PCDHGA9: variants seen among roughly 807,000 people sequenced by gnomAD.
PCDHGA9 encodes protocadherin gamma-A9.
PCDHGA9 carries 37 observed loss-of-function variants against 62.5 expected under a neutral mutation model. The ratio of observed to expected loss-of-function variants is 0.59; its 90% CI spans 0.46 to 0.78. The LOEUF is 0.78. Ranked by LOEUF, PCDHGA9 falls within the 30% of genes least tolerant of loss-of-function variation. PCDHGA9 has a pLI of 0.00. For synonymous variants in PCDHGA9, 459 were observed against 484.6 expected (o/e 0.95, Z 0.69); for missense variants, 1,138 against 1,166.2 (o/e 0.98, Z 0.35).
At chr5:141,502,274 A>G (rs573517581) in intron 2 of PCDHGA9, among the ~76,000 whole-genome samples, 18 of 152,128 alleles carry the variant, frequency 1.2e-4, no homozygotes, top group African/African-American at 4.1e-4. Context: ...ATCAAGGAGC[A>G]TAGATTGCAT....
chr5:141,414,778 C>T (rs1346896593), intron 1 of PCDHGA9: 12 of 1,614,202 alleles, frequency 7.4e-6, no homozygotes, highest in Non-Finnish European at 1.0e-5. Context: ...GCTACAGATG[C>T]AGGTGACAGC....
intron 1 of PCDHGA9, chr5:141,410,087 G>C (rs1427716409): frequency 6.2e-7 from 1 of 1,612,364 alleles, no homozygotes; most frequent in Admixed American, 1.7e-5. Context: ...GGTGCGCACG[G>C]CTCGAGCCTT....
At chr5:141,423,102 C>T (rs778561065) in intron 1 of PCDHGA9, 7 of 1,613,920 alleles carry the variant, frequency 4.3e-6, no homozygotes, top group Non-Finnish European at 4.2e-6. Context: ...AGCACACGGG[C>T]GAGGTGCGTA....
chr5:141,472,337 C>T (rs1327386198), intron 1 of PCDHGA9, among the ~76,000 whole-genome samples: 1 of 151,764 alleles, frequency 6.6e-6, no homozygotes, highest in Non-Finnish European at 1.5e-5. Context: ...GTTGGGAGAT[C>T]GAGACCATCC....
intron 1 of PCDHGA9, among the ~76,000 whole-genome samples, chr5:141,452,542 C>T (rs2098743637): frequency 6.6e-6 from 1 of 152,180 alleles, no homozygotes; most frequent in Admixed American, 6.6e-5. Flanking sequence ...CATATTGATA[C>T]CTCCAGTTCT....
At chr5:141,508,440 T>C (rs2099868879) in intron 3 of PCDHGA9, among the ~76,000 whole-genome samples, 1 of 152,186 alleles carries the variant, frequency 6.6e-6, no homozygotes, top group African/African-American at 2.4e-5. Context: ...CACAGTTCCT[T>C]AGTGGCAGAG....
In PCDHGA9 at chr5:141,403,509, A is replaced by G; in HGVS notation, c.557A>G (p.Asp186Gly). 1 of 1,614,002 alleles carries G rather than the reference A, an allele frequency of 6.2e-7. No individual in the cohort carries two copies. Among genetic ancestry groups the G allele is most frequent in the Non-Finnish European group, 8.5e-7 (1 of 1,179,876 alleles). Residue 186 changes from aspartate (D) to glycine (G), a missense_variant, in exon 1 of 4, where the codon GAC becomes GGC. By Grantham distance (94) the Asp-to-Gly change is moderately conservative. Coordinates refer to ENST00000573521, the MANE Select transcript of PCDHGA9 (RefSeq NM_018921.3). ...TTCTCCCTGAACGTGCAGACTGGAG[A>G]CAATGGAGCCATAAACCCAGAGCTG... The part of the protein sequence containing the change: ...HHFSLNVQTG[D>G]NGAINPELVL...
At chr5:141,435,413 A>G (rs1422263053) in intron 1 of PCDHGA9, among the ~76,000 whole-genome samples, 1 of 152,122 alleles carries the variant, frequency 6.6e-6, no homozygotes, top group Admixed American at 6.5e-5. Flanking sequence ...GGTAAAGACT[A>G]TTTTTCACTT....
intron 1 of PCDHGA9, among the ~76,000 whole-genome samples, chr5:141,482,385 A>T (rs1238551737): frequency 6.6e-6 from 1 of 152,210 alleles, no homozygotes; most frequent in Non-Finnish European, 1.5e-5. Context: ...AAGTCCCTGT[A>T]TGGAGCAAGT....
chr5:141,435,629 A>G (rs2097772414), intron 1 of PCDHGA9, among the ~76,000 whole-genome samples: 1 of 152,162 alleles, frequency 6.6e-6, no homozygotes, highest in Admixed American at 6.5e-5. Flanking sequence ...TAACTTTTAC[A>G]ACTATGGGAA....
chr5:141,430,754 A>G (rs778266116), intron 1 of PCDHGA9: 26 of 1,503,884 alleles, frequency 1.7e-5, no homozygotes, highest in East Asian at 4.6e-5. Flanking sequence ...CTGGAGGAAG[A>G]TAAGAATGAT....
intron 3 of PCDHGA9, 110 bp from the exon 4 acceptor site, chr5:141,510,837 G>A (rs969654751): frequency 1.3e-6 from 2 of 1,586,392 alleles, no homozygotes; most frequent in Non-Finnish European, 8.6e-7. Context: ...GCTCAGCGTG[G>A]TCAAGGCCCA....
At chr5:141,446,718 C>T (rs1279970040) in intron 1 of PCDHGA9, among the ~76,000 whole-genome samples, 4 of 152,174 alleles carry the variant, frequency 2.6e-5, no homozygotes, top group South Asian at 2.1e-4. Flanking sequence ...CTGCCCGCCT[C>T]GGCCTCCCAA....
At chr5:141,415,458 C>T in intron 1 of PCDHGA9, 5 of 1,614,204 alleles carry the variant, frequency 3.1e-6, no homozygotes, top group Non-Finnish European at 4.2e-6. Flanking sequence ...CCCACGAGGT[C>T]TCTCTCACCG....
chr5:141,413,723 C>G, intron 1 of PCDHGA9: 1 of 1,613,552 alleles, frequency 6.2e-7, no homozygotes, highest in Non-Finnish European at 8.5e-7. Context: ...AAGCACTTCT[C>G]CCTAAGAGTT....
intron 1 of PCDHGA9, chr5:141,417,635 G>C (rs1195744332): frequency 1.4e-6 from 1 of 724,902 alleles, no homozygotes; most frequent in Non-Finnish European, 2.1e-6. Flanking sequence ...CTGACGCCGG[G>C]GATCCCTCAG....
intron 1 of PCDHGA9, chr5:141,412,854 A>G (rs1356959630): frequency 4.5e-6 from 1 of 223,412 alleles, no homozygotes; most frequent in South Asian, 1.8e-4. Context: ...GAGAAACCAA[A>G]GAATCTATGT....
intron 1 of PCDHGA9, chr5:141,415,577 C>G (rs776744277): frequency 2.5e-6 from 4 of 1,613,744 alleles, no homozygotes; most frequent in South Asian, 2.2e-5. Flanking sequence ...TTAGATGATT[C>G]GAAGTTTCCT....
At position 141,477,372 on chromosome 5, in the gene PCDHGA9, CTG is replaced by C; in HGVS notation, c.2425-17432_2425-17431del. On this transcript the variant is annotated intron_variant, in intron 1 of 3. Transcript: ENST00000573521. This position sits in a 1 kb window ranked among gnomAD's most constrained non-coding sequence, Gnocchi z 4.9. ...ACCAGTGCAGACCTGGATCGGGAGA[CTG>C]TGCCAGAATACAACCTCAGCATCAC... The C allele has an allele frequency of 6.2e-7, 1 of 1,614,154 alleles. No homozygotes were observed. The highest frequency in any genetic ancestry group is 8.5e-7 in the Non-Finnish European group (1 of 1,180,030).
Sources: gnomAD v4.1 joint callset for allele counts (sites outside exome capture counted in the v4.1 genomes callset) on GRCh38, gnomAD v4.1.1 for gene constraint, Gnocchi (gnomAD v3.1) non-coding constraint, MANE v1.5 for transcripts, NCBI Gene and HGNC (gene_info 2026-07-23, HGNC 2026-07-21) for gene names.